CNTN5: variants seen among roughly 807,000 people sequenced by gnomAD.
CNTN5 encodes the protein contactin 5.
In CNTN5, 77 loss-of-function variants were observed where a neutral mutation model predicts 129.1. The ratio of observed to expected loss-of-function variants is 0.60; its 90% confidence interval spans 0.50 to 0.72. CNTN5 has a LOEUF of 0.72. Ranked by LOEUF, CNTN5 falls within the 30% of genes least tolerant of loss-of-function variation. The pLI, the probability that CNTN5 is intolerant of heterozygous loss-of-function variation, is 0.00. For synonymous variants in CNTN5, 509 were observed against 465.6 expected (o/e 1.09, Z -1.20); for missense variants, 1,478 against 1,328.8 (o/e 1.11, Z -1.75).
chr11:99,753,035 G>A (rs986031197), intron 3 of CNTN5, among the ~76,000 whole-genome samples: 12 of 150,928 alleles, frequency 8.0e-5, no homozygotes, highest in African/African-American at 2.9e-4. Context: ...CTTGTTTATC[G>A]TAGGGACTCA....
chr11:99,439,105 G>A (rs543534013), intron 2 of CNTN5, among the ~76,000 whole-genome samples: 1 of 152,206 alleles, frequency 6.6e-6, no homozygotes, highest in South Asian at 2.1e-4. Flanking sequence ...ACACATATAA[G>A]CATTTGTATA....
At chr11:99,179,853 T>G (rs759849369) in intron 1 of CNTN5, among the ~76,000 whole-genome samples, 1 of 152,196 alleles carries the variant, frequency 6.6e-6, no homozygotes, top group Non-Finnish European at 1.5e-5. Flanking sequence ...GTGTGTTGGG[T>G]GTAAGTGACT....
intron 8 of CNTN5, among the ~76,000 whole-genome samples, chr11:99,965,403 T>C (rs1201013536): frequency 6.6e-6 from 1 of 152,190 alleles, no homozygotes; most frequent in East Asian, 1.9e-4. Context: ...ATTTCTGCCT[T>C]CATTTCGTTA....
chr11:99,961,061 C>T (rs545577670), intron 8 of CNTN5, among the ~76,000 whole-genome samples: 7 of 151,730 alleles, frequency 4.6e-5, no homozygotes, highest in Admixed American at 2.6e-4. Flanking sequence ...AAAAATTAGC[C>T]GGGCATGGTG....
At chr11:100,086,804 AG>A (rs1339077857) in intron 13 of CNTN5, among the ~76,000 whole-genome samples, 3 of 151,560 alleles carry the variant, frequency 2.0e-5, no homozygotes, top group Non-Finnish European at 4.4e-5. Flanking sequence ...CTATACAAGA[AG>A]GAATATAAAA....
chr11:100,264,019 A>G (rs1157311528), intron 17 of CNTN5, among the ~76,000 whole-genome samples: 1 of 151,942 alleles, frequency 6.6e-6, no homozygotes, highest in Non-Finnish European at 1.5e-5. Flanking sequence ...ATTCTCACCT[A>G]TGGTTTTCTT....
chr11:99,056,554 G>T (rs1205636603), intron 1 of CNTN5, among the ~76,000 whole-genome samples: 1 of 152,006 alleles, frequency 6.6e-6, no homozygotes, highest in Admixed American at 6.6e-5. Flanking sequence ...GATGCCACCA[G>T]CATCATATTT....
intron 2 of CNTN5, among the ~76,000 whole-genome samples, chr11:99,432,288 A>G (rs1189829961): frequency 2.0e-5 from 3 of 152,114 alleles, no homozygotes; most frequent in Non-Finnish European, 4.4e-5. Context: ...TTTGGAGGAG[A>G]CAATTAAGAG....
At chr11:100,033,932 A>C (rs1941850305) in intron 9 of CNTN5, among the ~76,000 whole-genome samples, 1 of 152,068 alleles carries the variant, frequency 6.6e-6, no homozygotes, top group South Asian at 2.1e-4. Context: ...CCCACCCTCC[A>C]TACACATCCT....
chr11:100,233,679 A>G (rs1591419703), intron 16 of CNTN5, among the ~76,000 whole-genome samples: 1 of 152,050 alleles, frequency 6.6e-6, no homozygotes, highest in East Asian at 1.9e-4. Flanking sequence ...AATTCTACTG[A>G]CTACTTCCTC....
intron 8 of CNTN5, among the ~76,000 whole-genome samples, chr11:99,963,964 G>A (rs892182871): frequency 1.3e-5 from 2 of 152,046 alleles, no homozygotes; most frequent in East Asian, 1.9e-4. Flanking sequence ...CTGTTTGTCT[G>A]TTATTGGTGT....
intron 2 of CNTN5, among the ~76,000 whole-genome samples, chr11:99,454,053 T>C (rs1944405505): frequency 6.6e-6 from 1 of 152,152 alleles, no homozygotes; most frequent in Non-Finnish European, 1.5e-5. Context: ...CTAAAATTTA[T>C]TCTAAATTGC....
intron 3 of CNTN5, among the ~76,000 whole-genome samples, chr11:99,671,871 C>T (rs1434390814): frequency 6.6e-6 from 1 of 152,070 alleles, no homozygotes; most frequent in Non-Finnish European, 1.5e-5. Context: ...AAATACTATA[C>T]CTGTGTGCGC....
intron 1 of CNTN5, among the ~76,000 whole-genome samples, chr11:99,088,395 G>A (rs1481361266): frequency 6.6e-6 from 1 of 152,050 alleles, no homozygotes; most frequent in African/African-American, 2.4e-5. Flanking sequence ...TTTTCCTTCG[G>A]CCTTGAGATC....
At chr11:99,585,524 T>C (rs1324773382) in intron 3 of CNTN5, among the ~76,000 whole-genome samples, 1 of 152,178 alleles carries the variant, frequency 6.6e-6, no homozygotes, top group African/African-American at 2.4e-5. Context: ...GGTTAACTTA[T>C]AGTGGGATTT....
chr11:99,554,413 A>G (rs1440671900), intron 2 of CNTN5, among the ~76,000 whole-genome samples: 3 of 152,040 alleles, frequency 2.0e-5, no homozygotes, highest in East Asian at 1.9e-4. Context: ...TCATGAGTCA[A>G]TGCTCCTTTT....
At chr11:99,131,178 G>T (rs1329754305) in intron 1 of CNTN5, among the ~76,000 whole-genome samples, 1 of 134,060 alleles carries the variant, frequency 7.5e-6, no homozygotes, top group Non-Finnish European at 1.6e-5. Context: ...AACCTGGGAG[G>T]CGGAGCTTGC....
intron 3 of CNTN5, among the ~76,000 whole-genome samples, chr11:99,808,359 T>C (rs370154661): frequency 3.4e-5 from 5 of 149,162 alleles, no homozygotes; most frequent in African/African-American, 1.2e-4. Context: ...GCTACAAAAA[T>C]CACAACCACA....
chr11:99,789,077 A>G (rs1458135673), intron 3 of CNTN5, among the ~76,000 whole-genome samples: 7 of 151,918 alleles, frequency 4.6e-5, no homozygotes, highest in African/African-American at 1.7e-4. Context: ...TAAGAAACAA[A>G]CAAAAAAAAA....
Sources: allele counts gnomAD v4.1 joint callset (sites outside exome capture counted in the v4.1 genomes callset), GRCh38; gene constraint gnomAD v4.1.1; transcripts MANE v1.5; gene names NCBI Gene and HGNC (gene_info 2026-07-23, HGNC 2026-07-21).